The following WDFY2 variants were observed in gnomAD, a reference collection of about 807,000 sequenced individuals.
WDFY2 encodes WD repeat and FYVE domain-containing protein 2.
A neutral mutation model predicts 56.4 loss-of-function variants in WDFY2; 36 were observed. The ratio of observed to expected loss-of-function variants is 0.64; its 90% CI spans 0.49 to 0.84. The LOEUF is 0.84. Among genes scored for constraint, WDFY2 ranks in the 40% least tolerant of loss-of-function variants. The pLI, the probability that WDFY2 is intolerant of heterozygous loss-of-function variation, is 0.00. For missense variants in WDFY2, 444 were observed against 512.2 expected, an observed-to-expected ratio of 0.87 and a Z score of 1.29; for synonymous variants, 176 against 183.7, an observed-to-expected ratio of 0.96 and a Z score of 0.34.
chr13:51,721,981 A>C (rs1232384869), intron 5 of WDFY2, among the ~76,000 whole-genome samples: 9 of 82,396 alleles, frequency 1.1e-4, no homozygotes, highest in South Asian at 1.1e-3. Flanking sequence ...AGAACCTCCC[A>C]CCCCCCACCC....
intron 1 of WDFY2, among the ~76,000 whole-genome samples, chr13:51,631,078 C>G (rs1482723060): frequency 6.7e-6 from 1 of 149,518 alleles, no homozygotes; most frequent in Non-Finnish European, 1.5e-5. Context: ...CCATGCCCAG[C>G]AAGCTTTTCT....
intron 2 of WDFY2, among the ~76,000 whole-genome samples, chr13:51,672,365 G>C (rs576990642): frequency 2.0e-4 from 31 of 151,988 alleles, no homozygotes; most frequent in Non-Finnish European, 4.1e-4. Flanking sequence ...GTAAGTATTT[G>C]GGTTTATCTC....
intron 1 of WDFY2, among the ~76,000 whole-genome samples, chr13:51,629,826 C>CTTTTTTTTTTTTTTTTTTTTTTTTTTTT (rs11432630): frequency 8.0e-6 from 1 of 125,142 alleles, no homozygotes. Flanking sequence ...TCTTTCTTTT[C>CTTTTTTTTTTTTTTTTTTTTTTTTTTTT]TTTTTTTTTT....
chr13:51,599,021 G>A (rs923536910), intron 1 of WDFY2, among the ~76,000 whole-genome samples: 13 of 148,786 alleles, frequency 8.7e-5, no homozygotes, highest in African/African-American at 3.2e-4. Flanking sequence ...CGATTCTCCT[G>A]CCTCAGCCTC....
chr13:51,706,236 A>G (rs1952079381), intron 4 of WDFY2, among the ~76,000 whole-genome samples: 1 of 152,256 alleles, frequency 6.6e-6, no homozygotes, highest in Non-Finnish European at 1.5e-5. Context: ...TTCTTAATAC[A>G]ATACTAGGCT....
chr13:51,684,584 G>A (rs1198656635), intron 3 of WDFY2, among the ~76,000 whole-genome samples: 1 of 151,888 alleles, frequency 6.6e-6, no homozygotes, highest in Admixed American at 6.6e-5. Context: ...GCCTGAGACT[G>A]CACTCCAGTT....
intron 1 of WDFY2, among the ~76,000 whole-genome samples, chr13:51,634,907 G>T (rs1175786825): frequency 6.6e-6 from 1 of 151,936 alleles, no homozygotes; most frequent in Non-Finnish European, 1.5e-5. Context: ...CCATAAGGAA[G>T]CCCTAAACAT....
chr13:51,721,757 A>G (rs1257344954), intron 5 of WDFY2, among the ~76,000 whole-genome samples: 1 of 152,152 alleles, frequency 6.6e-6, no homozygotes, highest in Non-Finnish European at 1.5e-5. Context: ...TTTTGGAGCC[A>G]TAGTTCCAAC....
chr13:51,622,853 C>CTTTTTTTTTTTTTT (rs59372497), intron 1 of WDFY2, among the ~76,000 whole-genome samples: 1 of 130,970 alleles, frequency 7.6e-6, no homozygotes. Flanking sequence ...TAACTTTACA[C>CTTTTTTTTTTTTTT]TTTTTTTTTT....
intron 1 of WDFY2, chr13:51,588,482 T>C (rs991349845): frequency 1.4e-4 from 21 of 152,226 alleles, no homozygotes; most frequent in Admixed American, 9.8e-4. Flanking sequence ...TAGGCAATTA[T>C]AGGAAATCAT....
chr13:51,758,832 G>A (rs1953484597), intron 11 of WDFY2, among the ~76,000 whole-genome samples: 1 of 152,172 alleles, frequency 6.6e-6, no homozygotes, highest in African/African-American at 2.4e-5. Flanking sequence ...GGATGAGATA[G>A]CTAAAATAAC....
chr13:51,732,766 A>G (rs1055891974), intron 6 of WDFY2, among the ~76,000 whole-genome samples: 6 of 152,216 alleles, frequency 3.9e-5, no homozygotes, highest in African/African-American at 1.4e-4. Flanking sequence ...AAGAGATGTG[A>G]ATTGTCATCC....
intron 1 of WDFY2, among the ~76,000 whole-genome samples, chr13:51,615,946 C>T (rs541060946): frequency 4.6e-5 from 7 of 152,156 alleles, no homozygotes; most frequent in African/African-American, 1.4e-4. Context: ...GCAGAATATT[C>T]GAAAATAAAA....
At chr13:51,725,045 A>AT (rs1253960782) in intron 5 of WDFY2, among the ~76,000 whole-genome samples, 2 of 152,192 alleles carry the variant, frequency 1.3e-5, no homozygotes, top group Non-Finnish European at 2.9e-5. Context: ...ATGTGTGTGT[A>AT]TTTTTTAAAA....
At chr13:51,756,641 T>C in intron 10 of WDFY2, 179 bp downstream of exon 10, 1 of 985,332 alleles carries the variant, frequency 1.0e-6, no homozygotes. Context: ...TCCTGTGAGA[T>C]GAGAGAAGAG....
chr13:51,670,623 C>G (rs1444574725), intron 2 of WDFY2, among the ~76,000 whole-genome samples: 5 of 152,096 alleles, frequency 3.3e-5, no homozygotes, highest in African/African-American at 4.8e-5. Flanking sequence ...CTGTCTAACT[C>G]TGACACTCCC....
chr13:51,644,454 C>T (rs941421371), intron 1 of WDFY2, among the ~76,000 whole-genome samples: 13 of 152,168 alleles, frequency 8.5e-5, no homozygotes, highest in African/African-American at 3.1e-4. Context: ...AATGTTGTCA[C>T]TTGACTGTAA....
chr13:51,655,472 A>G (rs920363505), intron 1 of WDFY2, among the ~76,000 whole-genome samples: 1 of 151,628 alleles, frequency 6.6e-6, no homozygotes, highest in African/African-American at 2.4e-5. Flanking sequence ...TCATTCTATT[A>G]ATGTGCCGTA....
At chr13:51,616,238 A>G (rs1343900962) in intron 1 of WDFY2, among the ~76,000 whole-genome samples, 1 of 152,216 alleles carries the variant, frequency 6.6e-6, no homozygotes, top group Non-Finnish European at 1.5e-5. Flanking sequence ...CCCTGTCTCA[A>G]TGTGAATAAA....
Sources: allele counts gnomAD v4.1 joint callset (sites outside exome capture counted in the v4.1 genomes callset), GRCh38; gene constraint gnomAD v4.1.1; transcripts MANE v1.5; gene names NCBI Gene and HGNC (gene_info 2026-07-23, HGNC 2026-07-21).